PCCA: variants seen among roughly 807,000 people sequenced by gnomAD.
PCCA encodes propionyl-CoA carboxylase alpha chain, mitochondrial.
A neutral mutation model predicts 101.3 loss-of-function variants in PCCA; 74 were observed. That is an observed-to-expected ratio of 0.73 (90% CI 0.61 to 0.89). The LOEUF is 0.89. Ranked by LOEUF, PCCA falls within the 40% of genes least tolerant of loss-of-function variation. The pLI, the probability that PCCA is intolerant of heterozygous loss-of-function variation, is 0.00. For synonymous variants in PCCA, 294 were observed against 313.6 expected (o/e 0.94, Z 0.66); for missense variants, 891 against 907.0 (o/e 0.98, Z 0.23).
intron 4 of PCCA, among the ~76,000 whole-genome samples, chr13:100,125,025 TG>T (rs1249319233): frequency 6.6e-6 from 1 of 152,202 alleles, no homozygotes; most frequent in East Asian, 1.9e-4. Context: ...TTAATGGACT[TG>T]TTTGGAGCTG....
chr13:100,252,417 C>A (rs1035688190), intron 8 of PCCA, among the ~76,000 whole-genome samples: 1 of 152,148 alleles, frequency 6.6e-6, no homozygotes, highest in Non-Finnish European at 1.5e-5. Context: ...AAATACTTTT[C>A]TTTTCCCTTC....
chr13:100,184,570 A>G (rs2057081501), intron 6 of PCCA, among the ~76,000 whole-genome samples: 1 of 152,166 alleles, frequency 6.6e-6, no homozygotes, highest in Non-Finnish European at 1.5e-5. Context: ...AAAGGGCCAG[A>G]TAATAAGTGT....
At chr13:100,526,266 C>T (rs904771498) in intron 22 of PCCA, among the ~76,000 whole-genome samples, 1 of 152,238 alleles carries the variant, frequency 6.6e-6, no homozygotes, top group African/African-American at 2.4e-5. Context: ...GAGGCTGATT[C>T]TTCGCTCTCC....
chr13:100,438,835 C>G (rs2080133508), intron 20 of PCCA, among the ~76,000 whole-genome samples: 1 of 152,070 alleles, frequency 6.6e-6, no homozygotes, highest in Admixed American at 6.6e-5. Context: ...GGCCCTTTCA[C>G]AGAATAATAC....
At chr13:100,422,122 T>TTTC (rs1567109659) in intron 19 of PCCA, among the ~76,000 whole-genome samples, 1 of 121,176 alleles carries the variant, frequency 8.3e-6, no homozygotes, top group Non-Finnish European at 1.7e-5. Flanking sequence ...TTCTTTCTTT[T>TTTC]CTTTCTTTCT....
intron 6 of PCCA, among the ~76,000 whole-genome samples, chr13:100,195,256 T>G (rs9585377): frequency 0.16 from 24,413 of 152,140 alleles, 2,081 homozygotes; most frequent in African/African-American, 0.18. Context: ...CTTACCTTCT[T>G]CTTACCTCAT....
chr13:100,109,143 T>A (rs564480987), intron 2 of PCCA, among the ~76,000 whole-genome samples: 1 of 152,362 alleles, frequency 6.6e-6, no homozygotes, highest in Non-Finnish European at 1.5e-5. Context: ...TAGCTAATGC[T>A]GAATGAGTAT....
At chr13:100,162,110 GT>G (rs2054545716) in intron 6 of PCCA, among the ~76,000 whole-genome samples, 1 of 148,588 alleles carries the variant, frequency 6.7e-6, no homozygotes, top group Non-Finnish European at 1.5e-5. Flanking sequence ...GTGTGTGTGT[GT>G]CTGTCTGTCT....
At chr13:100,354,142 G>A (rs992885746) in intron 18 of PCCA, among the ~76,000 whole-genome samples, 2 of 149,574 alleles carry the variant, frequency 1.3e-5, no homozygotes, top group Non-Finnish European at 3.0e-5. Flanking sequence ...TGGGTGTGGT[G>A]GCACACACTT....
intron 6 of PCCA, among the ~76,000 whole-genome samples, chr13:100,158,690 G>A (rs1487171311): frequency 2.6e-5 from 4 of 152,094 alleles, no homozygotes; most frequent in African/African-American, 4.8e-5. Context: ...ATTTAAGTCC[G>A]TATAGATGAG....
At position 100,201,992 on chromosome 13, in the gene PCCA, A is replaced by G. The variant is rs1342114859; in HGVS notation, c.469-7340A>G. On this transcript the variant is annotated intron_variant, in intron 6 of 23. Transcript: ENST00000376285. ...TTTATGAGTTCTTGCATGTTGTTAA[A>G]TTTTCTCTGCCTTTCATAGTTGCAC... is the stretch of plus-strand genomic sequence containing the variant. Among the ~76,000 whole-genome samples, 4 of 151,384 alleles carry G rather than the reference A, an allele frequency of 2.6e-5. No homozygotes were observed. In the East Asian group the frequency reaches 7.8e-4, roughly 29 times the overall value.
chr13:100,157,775 G>A (rs1044381348), intron 6 of PCCA, among the ~76,000 whole-genome samples: 2 of 152,010 alleles, frequency 1.3e-5, no homozygotes, highest in African/African-American at 4.8e-5. Flanking sequence ...GTGAATTAAC[G>A]TATGTTTGTT....
chr13:100,330,647 G>C lies in PCCA; in HGVS notation c.1516G>C (p.Asp506His). ...AGACATCAGCACTAAATTTCTCTCC[G>C]ATGTGTATCCTGATGGCTTCAAAGG... Reference protein sequence around the residue: ...KGDISTKFLSDVYPDGFKGHM... With the variant: ...KGDISTKFLSHVYPDGFKGHM... The change falls in exon 17 of 24, where the codon GAT (aspartate) becomes CAT (histidine). Residue 506 changes from aspartate to histidine, a missense_variant. Physicochemically the swap from Asp to His is moderately conservative, Grantham distance 81. Transcript: ENST00000376285. 1 of 1,607,288 alleles carries C rather than the reference G, an allele frequency of 6.2e-7. No homozygotes were observed. Among genetic ancestry groups the C allele is most frequent in the Non-Finnish European group, 8.5e-7 (1 of 1,174,032 alleles).
chr13:100,360,585 T>C (rs1157523697), intron 18 of PCCA, among the ~76,000 whole-genome samples: 1 of 152,194 alleles, frequency 6.6e-6, no homozygotes, highest in Non-Finnish European at 1.5e-5. Flanking sequence ...TTTGTTAATA[T>C]TAAAAACTTC....
rs1420500247 is a variant in PCCA, at chr13:100,209,255, T to C, written c.469-77T>C. 4 of 1,287,596 alleles carry C rather than the reference T, an allele frequency of 3.1e-6. No homozygotes were observed. The African/African-American group carries it at 4.4e-5, about 14-fold the overall frequency. The allele number at this position is 1,287,596 out of a possible 1,614,324, so 79.8% of individuals were successfully genotyped here. Reference sequence around the variant, plus strand: ...AATTAGAAAATACACATATGGGCTTTTCTTTTATAAAATTGTGACTCCACA... The same window carrying C: ...AATTAGAAAATACACATATGGGCTTCTCTTTTATAAAATTGTGACTCCACA... On this transcript the variant is annotated intron_variant, in intron 6 of 23. Transcript: ENST00000376285.
intron 19 of PCCA, among the ~76,000 whole-genome samples, chr13:100,397,922 GCTT>G (rs2077129274): frequency 6.6e-6 from 1 of 152,206 alleles, no homozygotes; most frequent in Non-Finnish European, 1.5e-5. Context: ...GACAAAAAGT[GCTT>G]CTTTTTAGCT....
intron 10 of PCCA, among the ~76,000 whole-genome samples, chr13:100,263,924 C>T (rs948791302): frequency 2.8e-4 from 41 of 145,204 alleles, no homozygotes; most frequent in African/African-American, 5.4e-4. Context: ...GTCATAGATA[C>T]GGTATCTGTA....
At chr13:100,260,962 G>T (rs749147443) in intron 9 of PCCA, among the ~76,000 whole-genome samples, 1 of 150,234 alleles carries the variant, frequency 6.7e-6, no homozygotes, top group Non-Finnish European at 1.5e-5. Flanking sequence ...CATCATTAAA[G>T]AAAACACAAA....
intron 21 of PCCA, among the ~76,000 whole-genome samples, chr13:100,464,954 T>G (rs1355818704): frequency 1.3e-5 from 2 of 152,206 alleles, no homozygotes; most frequent in African/African-American, 4.8e-5. Context: ...GTAGGCTGTT[T>G]CAGGGCACTG....
Sources: allele counts gnomAD v4.1 joint callset (sites outside exome capture counted in the v4.1 genomes callset), GRCh38; gene constraint gnomAD v4.1.1; transcripts MANE v1.5; gene names NCBI Gene and HGNC (gene_info 2026-07-23, HGNC 2026-07-21).